RAET1E: variants seen among roughly 807,000 people sequenced by gnomAD.
RAET1E encodes the protein retinoic acid early transcript 1E.
A neutral mutation model predicts 21.1 loss-of-function variants in RAET1E; 27 were observed. That is an observed-to-expected ratio of 1.28 (90% CI 0.94 to 1.76). The LOEUF (loss-of-function observed/expected upper bound fraction) is 1.76. Ranked by LOEUF, RAET1E falls within the 40% of genes most tolerant of loss-of-function variation. The probability of loss-of-function intolerance (pLI) is 0.00; values close to 1 mark genes in which losing one functional copy is unlikely to be tolerated. For synonymous variants in RAET1E, 113 were observed against 115.0 expected, an observed-to-expected ratio of 0.98 and a Z score of 0.11; for missense variants, 310 against 311.3, an observed-to-expected ratio of 1.00 and a Z score of 0.03.
At position 149,889,391 on chromosome 6, in the gene RAET1E, G is replaced by C. The variant is rs778600774; in HGVS notation, c.579C>G (p.Leu193=). The part of the protein sequence containing the change: ...KLSKGDCDHW[L]REFLGHWEAM... ...CCTCCCAGTGCCCTAAGAATTCCCT[G>C]AGCCAGTGATCGCAGTCTCCCTTTG... The change falls in exon 5 of 6, where the codon CTC becomes CTG. Residue 193 remains leucine (L), a synonymous_variant. Transcript: ENST00000357183. 6.2e-7 allele frequency: 1 copy of C among 1,614,044 alleles called. No homozygotes were observed. Among genetic ancestry groups the C allele is most frequent in the African/African-American group, 1.3e-5 (1 of 74,928 alleles).
rs1304685552 is a variant in RAET1E at position 149,883,416 on chromosome 6, G to A, written c.*5082C>T. 1 of 147,364 alleles carries A rather than the reference G, an allele frequency of 6.8e-6. No homozygotes were observed. Among genetic ancestry groups the A allele is most frequent in the Non-Finnish European group, 1.5e-5 (1 of 67,250 alleles). The allele number at this position is 147,364 out of a possible 1,614,324, so 9.1% of individuals were successfully genotyped here. A position where few individuals can be genotyped will look rare whatever the true frequency, so the allele number is the denominator to read the frequency against. ...GTGTTTATCAGAAAGAACTACTTGTGTCTGGGCTCAGTGGCTCATGCTATA... is the reference window on the plus strand; with the variant it reads ...GTGTTTATCAGAAAGAACTACTTGTATCTGGGCTCAGTGGCTCATGCTATA... On this transcript the variant is annotated 3_prime_UTR_variant, in exon 6 of 6. Coordinates refer to ENST00000357183, the MANE Select transcript of RAET1E (RefSeq NM_001394057.1).
chr6:149,891,494 G>GTGTATGTGTGTGTGTT (rs1554263606), intron 2 of RAET1E, among the ~76,000 whole-genome samples: 1 of 152,006 alleles, frequency 6.6e-6, no homozygotes, highest in African/African-American at 2.4e-5. Context: ...TTGTGTGTGT[G>GTGTATGTGTGTGTGTT]TGTGTGTGTG....
At position 149,884,500 on chromosome 6, in the gene RAET1E, TC is replaced by T. The variant is rs534914438; in HGVS notation, c.*3997del. On this transcript the variant is annotated 3_prime_UTR_variant, in exon 6 of 6. Transcript: ENST00000357183. ...CGTGGTATCACCTCTAGGTGGATCT[TC>T]TGCCTTTAGGAAGGAGACAAAAGAG... 233 of 1,536,016 alleles carry T rather than the reference TC, an allele frequency of 1.5e-4. 1 individual carries two copies. The East Asian group carries it at 2.6e-3, about 17-fold the overall frequency.
At chr6:149,889,667 G>A in intron 4 of RAET1E, 44 bp from the exon 5 acceptor site, 1 of 1,600,428 alleles carries the variant, frequency 6.2e-7, no homozygotes, top group Non-Finnish European at 8.5e-7. Flanking sequence ...TCTTTGAGAA[G>A]TCCATCATCC....
In RAET1E at chr6:149,888,308, T is replaced by A. The variant is rs2115495209; in HGVS notation, c.*190A>T. On this transcript the variant is annotated 3_prime_UTR_variant, in exon 6 of 6. Transcript: ENST00000357183. ...ACCCCAGGCAGGCGTTCCAGATCTT[T>A]GACCTTGCCCCTCCTCGAGAGGAGA... is the stretch of plus-strand genomic sequence containing the variant. 2.6e-6 allele frequency: 2 copies of A among 763,626 alleles called. No homozygotes were observed. The highest frequency in any genetic ancestry group is 3.1e-5 in the South Asian group (2 of 64,504). 47.3% of individuals were successfully genotyped at this position (763,626 alleles called of 1,614,324 possible). A position where few individuals can be genotyped will look rare whatever the true frequency, so the allele number is the denominator to read the frequency against.
intron 5 of RAET1E, 65 bp from the exon 6 acceptor site, chr6:149,888,732 A>C: frequency 1.3e-6 from 2 of 1,526,194 alleles, no homozygotes; most frequent in Non-Finnish European, 1.7e-6. Flanking sequence ...AAAGCATAAA[A>C]ATATGCTTTC....
At chr6:149,894,764 G>T (rs1467156405) in intron 2 of RAET1E, among the ~76,000 whole-genome samples, 3 of 152,080 alleles carry the variant, frequency 2.0e-5, no homozygotes, top group African/African-American at 7.2e-5. Context: ...ACCTTCTGAA[G>T]GCTACTTCTG....
intron 1 of RAET1E, among the ~76,000 whole-genome samples, chr6:149,896,878 G>T (rs1487885133): frequency 6.6e-6 from 1 of 152,022 alleles, no homozygotes; most frequent in Non-Finnish European, 1.5e-5. Flanking sequence ...AAGGGGAAAG[G>T]GGCCCTTCCA....
Position 149,888,144 on chromosome 6 carries a change from G to C in RAET1E, c.*354C>G. 1.9e-6 allele frequency: 1 copy of C among 539,770 alleles called. No individual in the cohort carries two copies. Among genetic ancestry groups the C allele is most frequent in the South Asian group, 1.5e-5 (1 of 68,632 alleles). The allele number at this position is 539,770 out of a possible 1,614,324, so 33.4% of individuals were successfully genotyped here. On this transcript the variant is annotated 3_prime_UTR_variant, in exon 6 of 6. Transcript: ENST00000357183. Reference sequence around the variant, plus strand: ...CTGGGAGTAAATGCTGCAGCCACAAGCGCCACCAGCAAGTCTTCTCAGGGT... The same window carrying C: ...CTGGGAGTAAATGCTGCAGCCACAACCGCCACCAGCAAGTCTTCTCAGGGT...
chr6:149,889,682 A>G, intron 4 of RAET1E, 59 bp from the exon 5 acceptor site: 1 of 1,584,708 alleles, frequency 6.3e-7, no homozygotes, highest in South Asian at 1.1e-5. Context: ...TCATCCTCCA[A>G]TAGGTCAAGT....
intron 3 of RAET1E, 162 bp from the exon 4 acceptor site, chr6:149,890,307 C>T (rs1777831212): frequency 1.4e-6 from 1 of 717,284 alleles, no homozygotes. Context: ...CCCATCTCTC[C>T]CTGACTGTCT....
At position 149,889,570 on chromosome 6, in the gene RAET1E, T is replaced by A. The variant is rs199589821; in HGVS notation, c.400A>T (p.Thr134Ser). 2 of 1,614,226 alleles carry A rather than the reference T, an allele frequency of 1.2e-6. No homozygotes were observed. The highest frequency in any genetic ancestry group is 2.7e-5 in the African/African-American group (2 of 75,058). Reference protein sequence around the residue: ...MFCQREAERCTGASWQFATNG... With the variant: ...MFCQREAERCSGASWQFATNG... The stretch of plus-strand genomic sequence containing the variant: ...GTGGCGAACTGCCAGGATGCACCAG[T>A]GCACCGTTCTGCTTCACGTTGACAA... The change falls in exon 5 of 6, where the codon ACT becomes TCT. Residue 134 changes from threonine (T) to serine (S), a missense_variant. Transcript: ENST00000357183.
At position 149,895,972 on chromosome 6, in the gene RAET1E, C is replaced by G. The variant is rs1379540619; in HGVS notation, c.-260G>C. Reference sequence around the variant, plus strand: ...TCACACAGTGGAGAGCAGAGACAGACAGCAAGCTCTCCTATCACTTCTTAA... The same window carrying G: ...TCACACAGTGGAGAGCAGAGACAGAGAGCAAGCTCTCCTATCACTTCTTAA... On this transcript the variant is annotated 5_prime_UTR_variant, in exon 2 of 6. Coordinates refer to ENST00000357183, the MANE Select transcript of RAET1E (RefSeq NM_001394057.1). The G allele has an allele frequency of 6.6e-6, 1 of 152,254 alleles. No individual in the cohort carries two copies. Among genetic ancestry groups the G allele is most frequent in the Non-Finnish European group, 1.5e-5 (1 of 68,058 alleles). 9.4% of individuals were successfully genotyped at this position (152,254 alleles called of 1,614,324 possible). A position where few individuals can be genotyped will look rare whatever the true frequency, so the allele number is the denominator to read the frequency against.
At position 149,890,903 on chromosome 6, in the gene RAET1E, C is replaced by G; in HGVS notation, c.-2G>C. The G allele has an allele frequency of 6.2e-7, 1 of 1,604,778 alleles. No homozygotes were observed. Among genetic ancestry groups the G allele is most frequent in the Non-Finnish European group, 8.5e-7 (1 of 1,172,026 alleles). On this transcript the variant is annotated 5_prime_UTR_variant, in exon 3 of 6. Transcript: ENST00000357183. The stretch of plus-strand genomic sequence containing the variant: ...AGAAGTCAGGGATATTCTTCGCATA[C>G]TGTGGAGAGTAACAGGCAGGAAGCT...
rs9968871 is a variant in RAET1E at position 149,888,060 on chromosome 6, G to A, written c.*438C>T. The A allele has an allele frequency of 0.4, 163,028 of 403,116 alleles. 36,164 individuals are homozygous for A. The highest frequency in any genetic ancestry group is 0.89 in the East Asian group (12,295 of 13,822). The allele number at this position is 403,116 out of a possible 1,614,324, so 25.0% of individuals were successfully genotyped here. On this transcript the variant is annotated 3_prime_UTR_variant, in exon 6 of 6. Coordinates refer to ENST00000357183, the MANE Select transcript of RAET1E (RefSeq NM_001394057.1). ...CTACTAAAAATGTAGGATGTAGTTC[G>A]GCACTGTAATGTTTAGAGGGTGGTG...
At chr6:149,889,694 T>C in intron 4 of RAET1E, 71 bp from the exon 5 acceptor site, 4 of 1,565,914 alleles carry the variant, frequency 2.6e-6, no homozygotes, top group Non-Finnish European at 3.5e-6. Flanking sequence ...AGGTCAAGTG[T>C]TTCTCTGCAC....
Position 149,884,332 on chromosome 6 carries a change from C to A in RAET1E, c.*4166G>T. 1 of 692,624 alleles carries A rather than the reference C, an allele frequency of 1.4e-6. No homozygotes were observed. The highest frequency in any genetic ancestry group is 2.4e-6 in the Non-Finnish European group (1 of 413,170). 42.9% of individuals were successfully genotyped at this position (692,624 alleles called of 1,614,324 possible). A position where few individuals can be genotyped will look rare whatever the true frequency, so the allele number is the denominator to read the frequency against. The stretch of plus-strand genomic sequence containing the variant: ...AAATTTTTTTTTTTTGAGACGGAGT[C>A]TTGCTCTGTTGCCAAGACTGGAATG... On this transcript the variant is annotated 3_prime_UTR_variant, in exon 6 of 6. Coordinates refer to ENST00000357183, the MANE Select transcript of RAET1E (RefSeq NM_001394057.1).
At position 149,886,338 on chromosome 6, in the gene RAET1E, T is replaced by C. The variant is rs577528036; in HGVS notation, c.*2160A>G. Reference sequence around the variant, plus strand: ...GCTGTTGATTTCTAGTTTATTTCCATTGTGCTTGGACAAGATGCTTCGCAT... The same window carrying C: ...GCTGTTGATTTCTAGTTTATTTCCACTGTGCTTGGACAAGATGCTTCGCAT... On this transcript the variant is annotated 3_prime_UTR_variant, in exon 6 of 6. Coordinates refer to ENST00000357183, the MANE Select transcript of RAET1E (RefSeq NM_001394057.1). 7.9e-5 allele frequency among the ~76,000 whole-genome samples: 12 copies of C among 152,350 alleles called. No homozygotes were observed. The highest frequency in any genetic ancestry group is 1.3e-4 in the Admixed American group (2 of 15,304).
chr6:149,891,992 T>G (rs1246346321), intron 2 of RAET1E, among the ~76,000 whole-genome samples: 1 of 152,164 alleles, frequency 6.6e-6, no homozygotes, highest in African/African-American at 2.4e-5. Context: ...GGTTTTCTGA[T>G]CTTGTGATAG....
Sources: allele counts gnomAD v4.1 joint callset (sites outside exome capture counted in the v4.1 genomes callset), GRCh38; gene constraint gnomAD v4.1.1; transcripts MANE v1.5; gene names NCBI Gene and HGNC (gene_info 2026-07-23, HGNC 2026-07-21).